CHD8: variants seen among roughly 807,000 people sequenced by gnomAD.
The protein encoded by CHD8 is chromodomain helicase DNA binding protein 8.
CHD8 carries 31 observed loss-of-function variants against 279.2 expected under a neutral mutation model. That is an observed-to-expected ratio of 0.11 (90% confidence interval 0.08 to 0.15). CHD8 has a LOEUF of 0.15. Ranked by LOEUF, CHD8 falls within the 10% of genes least tolerant of loss-of-function variation. The probability of loss-of-function intolerance (pLI) is 1.00; values close to 1 mark genes in which losing one functional copy is unlikely to be tolerated. For missense variants in CHD8, 2,146 were observed against 3,230.5 expected (o/e 0.66, Z 8.14); for synonymous variants, 1,081 against 1,139.6 (o/e 0.95, Z 1.04).
At chr14:21,392,101 G>A in intron 34 of CHD8, 155 bp from the exon 35 acceptor site, 1 of 763,930 alleles carries the variant, frequency 1.3e-6, no homozygotes, top group Admixed American at 1.7e-5. Flanking sequence ...AGAAATACAA[G>A]AAAACATACA....
chr14:21,402,267 C>T lies in CHD8; in HGVS notation c.3882+69G>A. 8 of 1,572,052 alleles carry T rather than the reference C, an allele frequency of 5.1e-6. No homozygotes were observed. The highest frequency in any genetic ancestry group is 2.2e-5 in the East Asian group (1 of 44,702). Reference sequence around the variant, plus strand: ...AACAAGGTAGTCAAATCCCTGTGTACAAATAGCTTTTGTTTCCCTCTATCA... The same window carrying T: ...AACAAGGTAGTCAAATCCCTGTGTATAAATAGCTTTTGTTTCCCTCTATCA... On this transcript the variant is annotated intron_variant, in intron 19 of 37. Transcript: ENST00000646647. The surrounding 1 kb of genome is among the most constrained non-coding windows in gnomAD (Gnocchi z 4.5).
At position 21,402,990 on chromosome 14, in the gene CHD8, A is replaced by G; in HGVS notation, c.3714+27T>C. On this transcript the variant is annotated intron_variant, in intron 18 of 37. Coordinates refer to ENST00000646647, the MANE Select transcript of CHD8 (RefSeq NM_001170629.2). This position sits in a 1 kb window ranked among gnomAD's most constrained non-coding sequence, Gnocchi z 4.5. ...GAAAAATCTCCCAAGTTAGGTAGTT[A>G]GTCCCTAAGACAATGAATTCCTTTA... The G allele has an allele frequency of 6.4e-7, 1 of 1,563,156 alleles. No homozygotes were observed.
At chr14:21,446,900 TCCC>T (rs1487708190) in intron 1 of CHD8, among the ~76,000 whole-genome samples, 3 of 152,206 alleles carry the variant, frequency 2.0e-5, no homozygotes, top group Non-Finnish European at 4.4e-5. Flanking sequence ...CTACTCTCTC[TCCC>T]CCATTAGAAT....
At position 21,400,907 on chromosome 14, in the gene CHD8, G is replaced by A. The variant is rs1261159936; in HGVS notation, c.4338C>T (p.Cys1446=). Residue 1446 remains cysteine, a synonymous_variant, in exon 22 of 38, where the codon TGC becomes TGT. Transcript: ENST00000646647. The surrounding 1 kb of genome is among the most constrained non-coding windows in gnomAD (Gnocchi z 4.2). The part of the protein sequence containing the change: ...DRHHAYGRTD[C]FRVEKHLLVY... ...CCAGGAGATGCTTTTCCACCCGAAA[G>A]CAGTCAGTGCGCCCATAGGCATGAT... 6.2e-7 allele frequency: 1 copy of A among 1,612,926 alleles called. No individual in the cohort carries two copies. Among genetic ancestry groups the A allele is most frequent in the Non-Finnish European group, 8.5e-7 (1 of 1,179,454 alleles).
chr14:21,387,094 T>A, intron 37 of CHD8, among the ~76,000 whole-genome samples: 1 of 152,248 alleles, frequency 6.6e-6, no homozygotes, highest in East Asian at 1.9e-4. Context: ...TTCTTCTAGA[T>A]GTTCTGACTA....
At chr14:21,433,243 G>A (rs117457467) in intron 1 of CHD8, among the ~76,000 whole-genome samples, 3 of 152,316 alleles carry the variant, frequency 2.0e-5, no homozygotes, top group Admixed American at 6.5e-5. Context: ...ATGGTAAAAA[G>A]CTTCCTATCT....
rs527453686 is a variant in CHD8 at position 21,389,368 on chromosome 14, C to T, written c.7182+1579G>A. 3.3e-5 allele frequency among the ~76,000 whole-genome samples: 5 copies of T among 151,496 alleles called. No individual in the cohort carries two copies. The South Asian group carries it at 6.3e-4, about 19-fold the overall frequency. On this transcript the variant is annotated intron_variant, in intron 37 of 37. Transcript: ENST00000646647. The stretch of plus-strand genomic sequence containing the variant: ...GCTCATGCCTGTAATCCCAGTACTT[C>T]GGGAGGCTTAGGCAGGTGGATCACC...
intron 1 of CHD8, among the ~76,000 whole-genome samples, chr14:21,454,198 A>AAAAGAAAAGG (rs1890328677): frequency 2.0e-5 from 3 of 149,988 alleles, no homozygotes; most frequent in Admixed American, 6.6e-5. Flanking sequence ...AAAAGAAAAG[A>AAAAGAAAAGG]AAAGAAAAGA....
intron 5 of CHD8, chr14:21,419,486 G>A (rs1888913406): frequency 6.6e-6 from 1 of 152,438 alleles, no homozygotes; most frequent in Non-Finnish European, 1.5e-5. Context: ...CTTGAACCCG[G>A]GAGGCAGAGG....
At chr14:21,409,771 AAAC>A (rs2139484491) in intron 11 of CHD8, 77 bp downstream of exon 11, 2 of 1,408,054 alleles carry the variant, frequency 1.4e-6, no homozygotes, top group Non-Finnish European at 1.9e-6. Flanking sequence ...TAAAAAGCTA[AAAC>A]AACAAAAAAT....
chr14:21,426,165 G>T lies in CHD8; in HGVS notation c.1679C>A (p.Ala560Glu), dbSNP rs769523871. 1.9e-6 allele frequency: 3 copies of T among 1,611,438 alleles called. No homozygotes were observed. The East Asian group carries it at 6.7e-5, about 36-fold the overall frequency. ...SDNSDVEVMP[A>E]QSPREDEESS... ...TTCTTCATCTTCTCGAGGTGACTGT[G>T]CAGGCATGACTTCCACATCTGAATT... Residue 560 changes from alanine to glutamate, a missense_variant, in exon 5 of 38, where the codon GCA (alanine) becomes GAA (glutamate). This residue lies in a region of CHD8 where 123 missense variants were observed against 169.2 expected (regional missense o/e 0.73). Transcript: ENST00000646647.
chr14:21,448,945 C>T (rs1038884186), intron 1 of CHD8, among the ~76,000 whole-genome samples: 5 of 151,398 alleles, frequency 3.3e-5, no homozygotes, highest in Non-Finnish European at 5.9e-5. Flanking sequence ...GAGGCCGAGG[C>T]GGGCAGATCA....
At chr14:21,390,247 AAACTT>A (rs1445503662) in intron 37 of CHD8, among the ~76,000 whole-genome samples, 1 of 152,142 alleles carries the variant, frequency 6.6e-6, no homozygotes, top group Non-Finnish European at 1.5e-5. Context: ...AAAAAACAGA[AAACTT>A]AAGAAATTGC....
At chr14:21,422,543 C>T (rs1889092704) in intron 5 of CHD8, among the ~76,000 whole-genome samples, 1 of 152,118 alleles carries the variant, frequency 6.6e-6, no homozygotes, top group South Asian at 2.1e-4. Context: ...CTTATTTAAC[C>T]TTTACTTAAA....
Position 21,449,152 on chromosome 14 carries a change from C to A in CHD8, c.-216+6880G>T, listed in dbSNP as rs375667549. ...CTGCGCCACTGCACTCCAGCCTGGG[C>A]GACAGAGCGAGACTTCATCGCAAAA... is the stretch of plus-strand genomic sequence containing the variant. On this transcript the variant is annotated intron_variant, in intron 1 of 37. Coordinates refer to ENST00000646647, the MANE Select transcript of CHD8 (RefSeq NM_001170629.2). Among the ~76,000 whole-genome samples the A allele has an allele frequency of 5.3e-4, 80 of 151,834 alleles. 1 individual carries two copies. The East Asian group carries it at 0.014, about 26-fold the overall frequency.
chr14:21,449,133 C>T (rs1890199163), intron 1 of CHD8, among the ~76,000 whole-genome samples: 1 of 152,032 alleles, frequency 6.6e-6, no homozygotes, highest in Non-Finnish European at 1.5e-5. Context: ...AAGACTGCGC[C>T]ACTGCACTCC....
chr14:21,393,196 G>T lies in CHD8; in HGVS notation c.6378C>A (p.Ser2126=). The T allele has an allele frequency of 6.2e-7, 1 of 1,613,890 alleles. No homozygotes were observed. Among genetic ancestry groups the T allele is most frequent in the Admixed American group, 1.7e-5 (1 of 60,008 alleles). The change falls in exon 33 of 38, where the codon TCC becomes TCA. Residue 2126 remains serine (S), a synonymous_variant. Coordinates refer to ENST00000646647, the MANE Select transcript of CHD8 (RefSeq NM_001170629.2). ...CATCTTCATTTGGGAATCCATCTTG[G>T]GACATAGTGAGGGACAGGAGACTCT... ...DEESLLSLTM[S]QDGFPNEDGE...
intron 1 of CHD8, among the ~76,000 whole-genome samples, chr14:21,438,124 A>C (rs985146044): frequency 6.6e-6 from 1 of 152,080 alleles, no homozygotes; most frequent in African/African-American, 2.4e-5. Flanking sequence ...GTAGTGGCGC[A>C]ATCTTGGCTC....
chr14:21,386,319 T>G (rs1887232125), intron 37 of CHD8, 143 bp from the exon 38 acceptor site: 1 of 707,772 alleles, frequency 1.4e-6, no homozygotes, highest in Non-Finnish European at 2.3e-6. Context: ...ATACTAGGCT[T>G]GATTGGTGGT....
Sources: gnomAD v4.1 joint callset for allele counts (sites outside exome capture counted in the v4.1 genomes callset) on GRCh38, gnomAD v4.1.1 for gene constraint, gnomAD v4.1.1 regional missense constraint, Gnocchi (gnomAD v3.1) non-coding constraint, MANE v1.5 for transcripts, NCBI Gene and HGNC (gene_info 2026-07-23, HGNC 2026-07-21) for gene names.